The following HEMK2 variants were observed in gnomAD, a reference collection of about 807,000 sequenced individuals.
The protein encoded by HEMK2 is methyltransferase HEMK2.
the HEMK2 span, among the ~76,000 whole-genome samples, chr21:28,818,005 CAACTT>C: frequency 2.6e-5 from 4 of 152,168 alleles, no homozygotes; most frequent in African/African-American, 7.2e-5. Context: ...TACTGAGTGT[CAACTT>C]AACAGGATTG....
chr21:28,780,488 T>A, the HEMK2 span, among the ~76,000 whole-genome samples: 1 of 135,440 alleles, frequency 7.4e-6, no homozygotes, highest in Non-Finnish European at 1.5e-5. Context: ...ATTTTTGGTA[T>A]TTTTAATAGA....
the HEMK2 span, among the ~76,000 whole-genome samples, chr21:28,757,219 A>C: frequency 1.3e-5 from 2 of 152,228 alleles, no homozygotes; most frequent in African/African-American, 4.8e-5. Flanking sequence ...AGTGATTCAA[A>C]CTAAATGACA....
At chr21:28,730,209 T>C in the HEMK2 span, among the ~76,000 whole-genome samples, 17 of 114,054 alleles carry the variant, frequency 1.5e-4, no homozygotes, top group Middle Eastern at 4.2e-3. Flanking sequence ...GAGACCCCCA[T>C]TGCCACAAAA....
At chr21:28,720,139 CA>C in the HEMK2 span, among the ~76,000 whole-genome samples, 1 of 152,164 alleles carries the variant, frequency 6.6e-6, no homozygotes, top group Non-Finnish European at 1.5e-5. Context: ...ACCTGAGCTA[CA>C]GTATTGTTGG....
chr21:28,847,144 A>G, the HEMK2 span, among the ~76,000 whole-genome samples: 2 of 152,214 alleles, frequency 1.3e-5, no homozygotes, highest in Non-Finnish European at 2.9e-5. Context: ...TACTTTAGGT[A>G]TATAACCAGG....
chr21:28,815,557 C>A, the HEMK2 span, among the ~76,000 whole-genome samples: 1 of 151,894 alleles, frequency 6.6e-6, no homozygotes, highest in African/African-American at 2.4e-5. Flanking sequence ...TAAAAACTGA[C>A]CCAGGGAGGA....
the HEMK2 span, among the ~76,000 whole-genome samples, chr21:28,728,105 G>C: frequency 6.6e-6 from 1 of 152,188 alleles, no homozygotes; most frequent in South Asian, 2.1e-4. Flanking sequence ...TAATAAATTT[G>C]TGTTGTCTTA....
chr21:28,847,255 T>A, the HEMK2 span, among the ~76,000 whole-genome samples: 1 of 152,188 alleles, frequency 6.6e-6, no homozygotes, highest in African/African-American at 2.4e-5. Flanking sequence ...GTATAAGCAT[T>A]CCCTTTTCTC....
the HEMK2 span, among the ~76,000 whole-genome samples, chr21:28,701,422 C>G: frequency 1.3e-5 from 2 of 152,106 alleles, no homozygotes; most frequent in Non-Finnish European, 2.9e-5. Flanking sequence ...ACCCCTTGAT[C>G]TGATAAACAA....
chr21:28,839,241 T>G, the HEMK2 span, among the ~76,000 whole-genome samples: 1 of 151,900 alleles, frequency 6.6e-6, no homozygotes, highest in African/African-American at 2.4e-5. Flanking sequence ...AAAAGCCATC[T>G]ACAACAAACT....
the HEMK2 span, among the ~76,000 whole-genome samples, chr21:28,662,498 C>T: frequency 2.6e-5 from 4 of 152,220 alleles, no homozygotes; most frequent in Non-Finnish European, 5.9e-5. Context: ...AAGTTAAGAA[C>T]CCAAAACCAA....
the HEMK2 span, among the ~76,000 whole-genome samples, chr21:28,747,795 T>C: frequency 6.6e-6 from 1 of 152,126 alleles, no homozygotes; most frequent in African/African-American, 2.4e-5. Flanking sequence ...ACAAGGTGCT[T>C]TCAGAAGCAG....
chr21:28,620,660 C>T, the HEMK2 span, among the ~76,000 whole-genome samples: 34 of 49,640 alleles, frequency 6.8e-4, 1 homozygote, highest in East Asian at 0.011. Context: ...TCTCTCTTTT[C>T]TTTTTTTTTT....
At chr21:28,792,168 C>T in the HEMK2 span, among the ~76,000 whole-genome samples, 5 of 152,100 alleles carry the variant, frequency 3.3e-5, no homozygotes, top group African/African-American at 1.2e-4. Context: ...ATGCCCGCCC[C>T]TTTCCTGGAA....
At chr21:28,676,984 G>A in the HEMK2 span, among the ~76,000 whole-genome samples, 6 of 152,202 alleles carry the variant, frequency 3.9e-5, no homozygotes, top group African/African-American at 1.4e-4. Context: ...CGCAAAAGAT[G>A]GGTGATTTCT....
At chr21:28,719,302 T>G in the HEMK2 span, among the ~76,000 whole-genome samples, 1 of 152,192 alleles carries the variant, frequency 6.6e-6, no homozygotes, top group Non-Finnish European at 1.5e-5. Context: ...AAATCTCACC[T>G]TGAATTGCAA....
the HEMK2 span, among the ~76,000 whole-genome samples, chr21:28,580,028 A>G: frequency 2.0e-5 from 3 of 152,202 alleles, no homozygotes; most frequent in Non-Finnish European, 4.4e-5. Flanking sequence ...CTGAATCTCT[A>G]AGAGATCATT....
chr21:28,852,966 C>T, the HEMK2 span, among the ~76,000 whole-genome samples: 27 of 152,308 alleles, frequency 1.8e-4, no homozygotes, highest in African/African-American at 6.0e-4. Flanking sequence ...CTGGCCCCTG[C>T]CACCTCGGGA....
chr21:28,851,894 T>C, the HEMK2 span, among the ~76,000 whole-genome samples: 1 of 152,144 alleles, frequency 6.6e-6, no homozygotes, highest in Non-Finnish European at 1.5e-5. Flanking sequence ...TGGACAGGAA[T>C]GGAGAAAAAG....
Sources: allele counts gnomAD v4.1 joint callset (sites outside exome capture counted in the v4.1 genomes callset), GRCh38; gene constraint gnomAD v4.1.1; transcripts MANE v1.5; gene names NCBI Gene and HGNC (gene_info 2026-07-23, HGNC 2026-07-21).